Variants in VAC14 observed in about 807,000 individuals in gnomAD.
VAC14 encodes the protein VAC14 component of PIKFYVE complex, also known as protein VAC14 homolog.
In VAC14, 47 loss-of-function variants were observed where a neutral mutation model predicts 85.3. That is an observed-to-expected ratio of 0.55 (90% CI 0.44 to 0.70). The LOEUF (loss-of-function observed/expected upper bound fraction) is 0.70. VAC14 is among the 30% of genes least tolerant of loss of function. The probability of loss-of-function intolerance (pLI) is 0.00; values close to 1 mark genes in which losing one functional copy is unlikely to be tolerated. For synonymous variants in VAC14, 447 were observed against 430.5 expected, an observed-to-expected ratio of 1.04 and a Z score of -0.47; for missense variants, 861 against 1,004.3, an observed-to-expected ratio of 0.86 and a Z score of 1.93.
chr16:70,727,704 T>G (rs1372429924), intron 14 of VAC14, among the ~76,000 whole-genome samples: 1 of 152,212 alleles, frequency 6.6e-6, no homozygotes, highest in African/African-American at 2.4e-5. Context: ...GGAGGGCAGG[T>G]GGATACCCCC....
chr16:70,691,783 G>A (rs930682100), intron 18 of VAC14: 3 of 985,300 alleles, frequency 3.0e-6, no homozygotes, highest in South Asian at 4.7e-5. Context: ...TCAGCCATCC[G>A]AGGGCCAGTC....
At position 70,778,220 on chromosome 16, in the gene VAC14, C is replaced by T. The variant is rs112213203; in HGVS notation, c.1096+2570G>A. ...AAAAAGGTAGATAGGCTGCACTGGC[C>T]GGGAATCAAACCCGGGCCTCCCGCG... On this transcript the variant is annotated intron_variant, in intron 9 of 18. Transcript: ENST00000261776. Among the ~76,000 whole-genome samples the T allele has an allele frequency of 4.5e-4, 68 of 152,230 alleles. 1 individual carries two copies. The highest frequency in any genetic ancestry group is 1.6e-3 in the African/African-American group (66 of 41,540).
At chr16:70,723,833 G>A (rs1393019265) in intron 14 of VAC14, among the ~76,000 whole-genome samples, 14 of 152,224 alleles carry the variant, frequency 9.2e-5, no homozygotes. Flanking sequence ...GTCTGACCAC[G>A]TGTGCCATGT....
rs915093029 is a variant in VAC14 at position 70,690,104 on chromosome 16, C to G, written c.2187-2014G>C. The G allele has an allele frequency of 6.1e-6, 6 of 985,540 alleles. No individual in the cohort carries two copies. The South Asian group carries it at 2.3e-4, about 39-fold the overall frequency. 61.0% of individuals were successfully genotyped at this position (985,540 alleles called of 1,614,324 possible). A position where few individuals can be genotyped will look rare whatever the true frequency, so the allele number is the denominator to read the frequency against. On this transcript the variant is annotated intron_variant, in intron 18 of 18. Coordinates refer to ENST00000261776, the MANE Select transcript of VAC14 (RefSeq NM_018052.5). Reference sequence around the variant, plus strand: ...GATGCTCTCAGCACTGGATGGCAAACCCGGGAAGATGGCGTCGGTGTGGCA... The same window carrying G: ...GATGCTCTCAGCACTGGATGGCAAAGCCGGGAAGATGGCGTCGGTGTGGCA...
intron 12 of VAC14, among the ~76,000 whole-genome samples, chr16:70,753,474 G>T (rs2031567982): frequency 6.6e-6 from 1 of 152,332 alleles, no homozygotes; most frequent in Non-Finnish European, 1.5e-5. Flanking sequence ...GAGGACGCAG[G>T]AACGCTAAGT....
intron 12 of VAC14, among the ~76,000 whole-genome samples, chr16:70,746,879 T>C (rs1047002025): frequency 6.6e-6 from 1 of 150,874 alleles, no homozygotes; most frequent in Non-Finnish European, 1.5e-5. Flanking sequence ...GGGGGGAGGA[T>C]GGGGGAATGA....
chr16:70,697,069 G>T, intron 16 of VAC14, 70 bp downstream of exon 16: 2 of 1,331,284 alleles, frequency 1.5e-6, no homozygotes, highest in Non-Finnish European at 2.1e-6. Flanking sequence ...CCTGTTGGGT[G>T]GAAAGGGGGC....
chr16:70,745,510 TGTGTGTGTGCGCGTGTGC>T (rs2030793569), intron 12 of VAC14, among the ~76,000 whole-genome samples: 1 of 146,384 alleles, frequency 6.8e-6, no homozygotes, highest in Non-Finnish European at 1.5e-5. Context: ...TGTGTGTGTG[TGTGTGTGTGCGCGTGTGC>T]GCGCGTGTGC....
At chr16:70,786,558 T>A in intron 1 of VAC14, 193 bp from the exon 2 acceptor site, 1 of 651,566 alleles carries the variant, frequency 1.5e-6, no homozygotes, top group Non-Finnish European at 2.5e-6. Flanking sequence ...TCAGTTTCCC[T>A]TTGTGTACAA....
At chr16:70,731,831 C>T (rs2054600708) in intron 13 of VAC14, among the ~76,000 whole-genome samples, 1 of 152,056 alleles carries the variant, frequency 6.6e-6, no homozygotes, top group Non-Finnish European at 1.5e-5. Flanking sequence ...ACTTGGCTTA[C>T]TGCAAAAATG....
intron 14 of VAC14, chr16:70,716,425 T>C (rs888867046): frequency 6.6e-5 from 10 of 152,324 alleles, no homozygotes; most frequent in Admixed American, 4.6e-4. Context: ...CTATAAGATG[T>C]TCCCATCTCC....
Position 70,762,750 on chromosome 16 carries a change from C to G in VAC14, c.1305+131G>C, listed in dbSNP as rs532084700. 6.6e-7 allele frequency: 1 copy of G among 1,514,526 alleles called. No individual in the cohort carries two copies. Among genetic ancestry groups the G allele is most frequent in the African/African-American group, 1.4e-5 (1 of 72,948 alleles). 93.8% of individuals were successfully genotyped at this position (1,514,526 alleles called of 1,614,324 possible). A position where few individuals can be genotyped will look rare whatever the true frequency, so the allele number is the denominator to read the frequency against. On this transcript the variant is annotated intron_variant, in intron 11 of 18. Coordinates refer to ENST00000261776, the MANE Select transcript of VAC14 (RefSeq NM_018052.5). The surrounding 1 kb of genome is among the most constrained non-coding windows in gnomAD (Gnocchi z 4.1). The stretch of plus-strand genomic sequence containing the variant: ...GACACAATGAGGGCTCCTCGCAGCA[C>G]CTGTCACTTCTCTGCCGGCCAGGGT...
chr16:70,744,683 G>C (rs2030700449), intron 12 of VAC14, 104 bp from the exon 13 acceptor site: 2 of 1,397,112 alleles, frequency 1.4e-6, no homozygotes, highest in Admixed American at 2.6e-5. Context: ...AGGGGTGGGA[G>C]GGGTCTGCAG....
chr16:70,746,744 C>T (rs1242804345), intron 12 of VAC14, among the ~76,000 whole-genome samples: 3 of 152,194 alleles, frequency 2.0e-5, no homozygotes, highest in Admixed American at 6.5e-5. Flanking sequence ...AATGACGCCG[C>T]GGTCCTGCCC....
chr16:70,702,591 C>T (rs933356161), intron 14 of VAC14, among the ~76,000 whole-genome samples: 1 of 152,170 alleles, frequency 6.6e-6, no homozygotes, highest in African/African-American at 2.4e-5. Context: ...CCGCATCCTG[C>T]CTGACCCCAG....
intron 10 of VAC14, 49 bp downstream of exon 10, chr16:70,772,060 C>G (rs1231939931): frequency 4.4e-6 from 7 of 1,577,982 alleles, no homozygotes; most frequent in Middle Eastern, 3.8e-4. Context: ...CAGGAAAGAT[C>G]TAGGCCGCTC....
At chr16:70,732,761 G>A (rs1423015233) in intron 13 of VAC14, among the ~76,000 whole-genome samples, 1 of 151,842 alleles carries the variant, frequency 6.6e-6, no homozygotes, top group Non-Finnish European at 1.5e-5. Context: ...TCTTGTCCCA[G>A]CCTCTTGAGT....
Position 70,772,136 on chromosome 16 carries a change from C to T in VAC14, c.1133G>A (p.Ser378Asn), listed in dbSNP as rs1217175452. The T allele has an allele frequency of 1.9e-6, 3 of 1,614,010 alleles. No individual in the cohort carries two copies. The African/African-American group carries it at 4.0e-5, about 22-fold the overall frequency. Residue 378 changes from serine to asparagine, a missense_variant, in exon 10 of 19, where the codon AGC (serine) becomes AAC (asparagine). Physicochemically the swap from Ser to Asn is conservative, Grantham distance 46. Coordinates refer to ENST00000261776, the MANE Select transcript of VAC14 (RefSeq NM_018052.5). ...GGCTGCAGTGAAGACACTGATGCCG[C>T]TACTGAAGCTGGAGTCACAGGAACC... is the stretch of plus-strand genomic sequence containing the variant. ...PDGSCDSSFSSGISVFTAAST... is the reference protein window; with the variant it reads ...PDGSCDSSFSNGISVFTAAST...
chr16:70,691,423 G>A (rs4985561), intron 18 of VAC14: 90,615 of 985,388 alleles, frequency 0.092, 5,344 homozygotes, highest in African/African-American at 0.28. Context: ...GAAGGGCCAA[G>A]GCAAAGGCTG....
Sources: gnomAD v4.1 joint callset for allele counts (sites outside exome capture counted in the v4.1 genomes callset) on GRCh38, gnomAD v4.1.1 for gene constraint, Gnocchi (gnomAD v3.1) non-coding constraint, MANE v1.5 for transcripts, NCBI Gene and HGNC (gene_info 2026-07-23, HGNC 2026-07-21) for gene names.